The following FBL variants were observed in gnomAD, a reference collection of about 807,000 sequenced individuals.
FBL encodes the protein rRNA 2'-O-methyltransferase fibrillarin.
Under a neutral mutation model 42.2 loss-of-function variants are expected in FBL, and 10 were observed. The ratio of observed to expected loss-of-function variants is 0.24; its 90% CI spans 0.15 to 0.40. The LOEUF (loss-of-function observed/expected upper bound fraction) is 0.40. FBL is among the 10% of genes least tolerant of loss of function. FBL has a pLI of 1.00. For synonymous variants in FBL, 165 were observed against 165.4 expected, an observed-to-expected ratio of 1.00 and a Z score of 0.02; for missense variants, 351 against 439.2, an observed-to-expected ratio of 0.80 and a Z score of 1.79.
At chr19:39,844,668 T>C (rs1005687126) in intron 1 of FBL, among the ~76,000 whole-genome samples, 3 of 152,202 alleles carry the variant, frequency 2.0e-5, no homozygotes, top group Non-Finnish European at 4.4e-5. Flanking sequence ...GCATGTCCAC[T>C]GCTCCCATCC....
At chr19:39,835,804 T>C (rs1217466937) in intron 7 of FBL, among the ~76,000 whole-genome samples, 2 of 152,028 alleles carry the variant, frequency 1.3e-5, no homozygotes, top group African/African-American at 4.8e-5. Context: ...CACACGCCTG[T>C]AGTCCCAGCT....
intron 1 of FBL, among the ~76,000 whole-genome samples, chr19:39,845,292 T>C (rs1388658322): frequency 1.3e-5 from 2 of 152,220 alleles, no homozygotes; most frequent in Admixed American, 1.3e-4. Context: ...AGGATTCTAA[T>C]GTTGTTCTCT....
intron 7 of FBL, among the ~76,000 whole-genome samples, chr19:39,835,296 C>A (rs1427204929): frequency 6.6e-6 from 1 of 151,920 alleles, no homozygotes; most frequent in Non-Finnish European, 1.5e-5. Context: ...CGAGGTGGCT[C>A]AATCACGAAA....
intron 1 of FBL, among the ~76,000 whole-genome samples, chr19:39,844,066 C>T (rs1452664225): frequency 1.3e-5 from 2 of 152,072 alleles, no homozygotes; most frequent in East Asian, 3.9e-4. Flanking sequence ...ATGAAGTTTC[C>T]TTTTCAAAAC....
intron 1 of FBL, among the ~76,000 whole-genome samples, chr19:39,843,324 A>G (rs1469293135): frequency 6.6e-6 from 1 of 152,208 alleles, no homozygotes; most frequent in East Asian, 1.9e-4. Context: ...TTGTTCAGAA[A>G]GCACACAATC....
In FBL at chr19:39,839,190, T is replaced by C. The variant is rs1568540630; in HGVS notation, c.394A>G (p.Ile132Val). Residue 132 changes from isoleucine (I) to valine (V), a missense_variant, in exon 5 of 9, where the codon ATT becomes GTT. Ile to Val is a conservative substitution (Grantham distance 29). Transcript: ENST00000221801. ...RVSISEGDDK[I>V]EYRAWNPFRS... ...AAGGGGTTCCAGGCTCGGTACTCAA[T>C]TTTGTCATCTCCTTCCTAGATGAGA... The C allele has an allele frequency of 1.2e-6, 2 of 1,611,612 alleles. No homozygotes were observed. The highest frequency in any genetic ancestry group is 1.7e-6 in the Non-Finnish European group (2 of 1,178,614).
rs910066830 is a variant in FBL at position 39,840,854 on chromosome 19, C to G, written c.11-67G>C. 3 of 1,405,412 alleles carry G rather than the reference C, an allele frequency of 2.1e-6. No individual in the cohort carries two copies. The highest frequency in any genetic ancestry group is 9.5e-7 in the Non-Finnish European group (1 of 1,055,482). 87.1% of individuals were successfully genotyped at this position (1,405,412 alleles called of 1,614,324 possible). ...AAAGGTTAAACCACCTTGTACCCAG[C>G]AATACCTCTCAGGTGAGAAACCTGA... On this transcript the variant is annotated intron_variant, in intron 1 of 8. Transcript: ENST00000221801. This position sits in a 1 kb window ranked among gnomAD's most constrained non-coding sequence, Gnocchi z 4.5.
Position 39,846,229 on chromosome 19 carries a change from C to T in FBL, c.10+62G>A, listed in dbSNP as rs1489651121. 5 of 1,607,268 alleles carry T rather than the reference C, an allele frequency of 3.1e-6. No individual in the cohort carries two copies. In the East Asian group the frequency reaches 6.7e-5, roughly 22 times the overall value. ...CAAGGCCCCACCCCTCCGATTCTGG[C>T]CTGGCACCCGGATTCCCGCCCGGCC... is the stretch of plus-strand genomic sequence containing the variant. On this transcript the variant is annotated intron_variant, in intron 1 of 8. Transcript: ENST00000221801.
chr19:39,834,932 G>A (rs1343705802), intron 7 of FBL, 119 bp from the exon 8 acceptor site: 27 of 1,049,706 alleles, frequency 2.6e-5, no homozygotes, highest in Non-Finnish European at 3.3e-5. Flanking sequence ...TATGGTTCTA[G>A]TGTGTCCCCC....
intron 7 of FBL, among the ~76,000 whole-genome samples, chr19:39,835,886 A>G (rs964025835): frequency 4.6e-5 from 7 of 152,230 alleles, no homozygotes; most frequent in East Asian, 3.9e-4. Flanking sequence ...AGATTGCACC[A>G]CTTCACGCCA....
chr19:39,842,826 T>C (rs1030738707), intron 1 of FBL, among the ~76,000 whole-genome samples: 2 of 152,176 alleles, frequency 1.3e-5, no homozygotes, highest in Non-Finnish European at 2.9e-5. Flanking sequence ...GCAGCCCACA[T>C]TGAGTATCAT....
chr19:39,836,424 C>T, intron 7 of FBL, 132 bp downstream of exon 7: 1 of 568,742 alleles, frequency 1.8e-6, no homozygotes, highest in Non-Finnish European at 3.1e-6. Context: ...ACTCTCCTGC[C>T]TCTTTAAATC....
intron 6 of FBL, among the ~76,000 whole-genome samples, chr19:39,837,259 G>A (rs931459218): frequency 3.3e-5 from 5 of 152,118 alleles, no homozygotes; most frequent in South Asian, 2.1e-4. Flanking sequence ...TACTTCTGGC[G>A]GTGGTTTATA....
At position 39,840,056 on chromosome 19, in the gene FBL, C is replaced by G. The variant is rs1969128483; in HGVS notation, c.378+177G>C. ...GAGGCCTGAGTGAAGACTCAGGAGT[C>G]TAACTGGAAGGCCGTGGGGAGTCAC... On this transcript the variant is annotated intron_variant, in intron 4 of 8. Coordinates refer to ENST00000221801, the MANE Select transcript of FBL (RefSeq NM_001436.4). This position sits in a 1 kb window ranked among gnomAD's most constrained non-coding sequence, Gnocchi z 4.5. 6.6e-6 allele frequency among the ~76,000 whole-genome samples: 1 copy of G among 152,028 alleles called. No individual in the cohort carries two copies. Among genetic ancestry groups the G allele is most frequent in the Non-Finnish European group, 1.5e-5 (1 of 67,976 alleles).
At chr19:39,846,214 C>G in intron 1 of FBL, 77 bp downstream of exon 1, 1 of 1,557,496 alleles carries the variant, frequency 6.4e-7, no homozygotes, top group Non-Finnish European at 8.9e-7. Flanking sequence ...CAAGGCCCCA[C>G]CCCTCCGATT....
intron 1 of FBL, 46 bp downstream of exon 1, chr19:39,846,245 C>T (rs747291724): frequency 8.4e-5 from 136 of 1,612,398 alleles, no homozygotes; most frequent in Non-Finnish European, 1.1e-4. Context: ...ACCCGGATTC[C>T]CGCCCGGCCT....
At chr19:39,843,632 G>T (rs111952375) in intron 1 of FBL, among the ~76,000 whole-genome samples, 2,056 of 152,304 alleles carry the variant, frequency 0.013, 53 homozygotes, top group African/African-American at 0.046. Context: ...TTAGCTGGGC[G>T]TGGTGGCGCA....
chr19:39,838,622 T>C (rs73550469), intron 5 of FBL: 200 of 161,746 alleles, frequency 1.2e-3, no homozygotes, highest in African/African-American at 4.5e-3. Context: ...TAACAAAGGG[T>C]AACAGAGTGG....
intron 1 of FBL, among the ~76,000 whole-genome samples, chr19:39,844,186 C>A (rs772625938): frequency 6.6e-6 from 1 of 152,194 alleles, no homozygotes; most frequent in Non-Finnish European, 1.5e-5. Flanking sequence ...ACTCAGATCT[C>A]AATTTTCTTG....
Sources: gnomAD v4.1 joint callset for allele counts (sites outside exome capture counted in the v4.1 genomes callset) on GRCh38, gnomAD v4.1.1 for gene constraint, Gnocchi (gnomAD v3.1) non-coding constraint, MANE v1.5 for transcripts, NCBI Gene and HGNC (gene_info 2026-07-23, HGNC 2026-07-21) for gene names.